Variants in HMGXB3 observed in about 807,000 individuals in gnomAD.
HMGXB3 encodes HMG-box containing 3, also known as HMG domain-containing protein 3.
HMGXB3 carries 45 observed loss-of-function variants against 121.5 expected under a neutral mutation model. The ratio of observed to expected loss-of-function variants is 0.37; its 90% CI spans 0.29 to 0.47. HMGXB3 has a LOEUF of 0.47. Ranked by LOEUF, HMGXB3 falls within the 20% of genes least tolerant of loss-of-function variation. The pLI, the probability that HMGXB3 is intolerant of heterozygous loss-of-function variation, is 0.99. For missense variants in HMGXB3, 1,376 were observed against 1,602.2 expected, an observed-to-expected ratio of 0.86 and a Z score of 2.41; for synonymous variants, 590 against 624.1, an observed-to-expected ratio of 0.95 and a Z score of 0.81.
At position 150,024,549 on chromosome 5, in the gene HMGXB3, C is replaced by G; in HGVS notation, c.1329C>G (p.Val443=). 1.9e-6 allele frequency: 3 copies of G among 1,551,676 alleles called. No individual in the cohort carries two copies. The highest frequency in any genetic ancestry group is 2.6e-6 in the Non-Finnish European group (3 of 1,146,986). The change falls in exon 7 of 20, where the codon GTC becomes GTG. Residue 443 remains valine, a synonymous_variant. Coordinates refer to ENST00000502717, the MANE Select transcript of HMGXB3 (RefSeq NM_014983.3). Reference sequence around the variant, plus strand: ...GTACAGCAGTCACTAAGACGCCAGTCGTCAAAAGTGGTGTGCAGCCTGAGG... The same window carrying G: ...GTACAGCAGTCACTAAGACGCCAGTGGTCAAAAGTGGTGTGCAGCCTGAGG... ...NCGTAVTKTP[V]VKSGVQPEVT... is the part of the protein sequence containing the mutation.
intron 9 of HMGXB3, among the ~76,000 whole-genome samples, chr5:150,028,051 G>A (rs1561869183): frequency 1.3e-5 from 2 of 152,188 alleles, no homozygotes; most frequent in African/African-American, 4.8e-5. Context: ...TGTGCCCAAG[G>A]TGGTCAGAGC....
chr5:150,005,956 G>A (rs760003493), intron 2 of HMGXB3, among the ~76,000 whole-genome samples: 5 of 152,158 alleles, frequency 3.3e-5, no homozygotes, highest in Non-Finnish European at 7.4e-5. Context: ...CTTTAGGAAA[G>A]CCAGTCAAAT....
intron 5 of HMGXB3, among the ~76,000 whole-genome samples, chr5:150,017,872 T>A (rs752438357): frequency 2.0e-5 from 3 of 151,472 alleles, no homozygotes; most frequent in Non-Finnish European, 2.9e-5. Flanking sequence ...CCCATAGTAA[T>A]ACATTTTGCT....
chr5:150,010,109 A>C lies in HMGXB3; in HGVS notation c.313-2A>C, dbSNP rs1057232255. 52 of 1,548,438 alleles carry C rather than the reference A, an allele frequency of 3.4e-5. No homozygotes were observed. The East Asian group carries it at 1.2e-3, about 36-fold the overall frequency. On this transcript the variant is annotated splice_acceptor_variant, in intron 3 of 19. Transcript: ENST00000502717. LOFTEE classifies it high-confidence loss of function. ...CCCCCTTCCTGGCTTCCTCATCCTCAGAACTCTAAGCTCTCTGCACTGACT... is the reference window on the plus strand; with the variant it reads ...CCCCCTTCCTGGCTTCCTCATCCTCCGAACTCTAAGCTCTCTGCACTGACT...
chr5:150,005,001 C>G lies in HMGXB3; in HGVS notation c.137+12C>G. The G allele has an allele frequency of 6.5e-7, 1 of 1,543,022 alleles. No individual in the cohort carries two copies. Among genetic ancestry groups the G allele is most frequent in the Non-Finnish European group, 8.7e-7 (1 of 1,144,834 alleles). On this transcript the variant is annotated intron_variant, in intron 2 of 19. Coordinates refer to ENST00000502717, the MANE Select transcript of HMGXB3 (RefSeq NM_014983.3). ...ACAAAGAAACCCAGGTTAGCCAACA[C>G]ATTTTGGTTGCTGCTAGCATTTATA...
At chr5:150,026,571 T>A in intron 7 of HMGXB3, 135 bp from the exon 8 acceptor site, 1 of 716,060 alleles carries the variant, frequency 1.4e-6, no homozygotes, top group Non-Finnish European at 2.3e-6. Flanking sequence ...AGTGGTTGAA[T>A]TTGAACTCAA....
At chr5:150,005,712 A>G (rs1755686092) in intron 2 of HMGXB3, among the ~76,000 whole-genome samples, 1 of 152,238 alleles carries the variant, frequency 6.6e-6, no homozygotes, top group African/African-American at 2.4e-5. Context: ...TTGACTGTGA[A>G]TACCTCAAAC....
At chr5:150,046,935 G>A (rs1407725788) in intron 16 of HMGXB3, among the ~76,000 whole-genome samples, 2 of 150,612 alleles carry the variant, frequency 1.3e-5, no homozygotes, top group African/African-American at 2.5e-5. Flanking sequence ...GCCCAGGCTG[G>A]AGTGCAGTGT....
intron 10 of HMGXB3, among the ~76,000 whole-genome samples, chr5:150,031,212 A>T (rs887612850): frequency 6.6e-6 from 1 of 152,210 alleles, no homozygotes; most frequent in Non-Finnish European, 1.5e-5. Flanking sequence ...TCTCCCTAAA[A>T]CAGAGTCCAG....
intron 17 of HMGXB3, 76 bp from the exon 18 acceptor site, chr5:150,048,493 A>C (rs1756813402): frequency 1.0e-6 from 1 of 971,544 alleles, no homozygotes; most frequent in Non-Finnish European, 1.6e-6. Context: ...GTGTTGGGTG[A>C]GTGTGTGATG....
At position 150,045,606 on chromosome 5, in the gene HMGXB3, C is replaced by G. The variant is rs760180831; in HGVS notation, c.2871C>G (p.Pro957=). 10 of 1,551,750 alleles carry G rather than the reference C, an allele frequency of 6.4e-6. No homozygotes were observed. The highest frequency in any genetic ancestry group is 1.2e-5 in the South Asian group (1 of 84,070). The part of the protein sequence containing the change: ...ITKFDASVIA[P]FFPPLMRGAV... ...AATTTGATGCGTCTGTTATTGCCCC[C>G]TTCTTCCCACCACTCATGAGAGGAG... The change falls in exon 16 of 20, where the codon CCC becomes CCG. Residue 957 remains proline, a synonymous_variant. Transcript: ENST00000502717.
chr5:150,027,353 A>G (rs1756256764), intron 9 of HMGXB3, among the ~76,000 whole-genome samples: 2 of 152,226 alleles, frequency 1.3e-5, no homozygotes, highest in African/African-American at 4.8e-5. Context: ...TCACAAAAAT[A>G]AAAATAGTAC....
At chr5:150,030,416 T>G (rs2113748264) in intron 9 of HMGXB3, 1 of 195,480 alleles carries the variant, frequency 5.1e-6, no homozygotes, top group East Asian at 1.3e-4. Context: ...GACATCTTTC[T>G]ATGCAAAGTT....
At chr5:150,037,041 C>T in intron 12 of HMGXB3, 104 bp downstream of exon 12, 1 of 1,068,806 alleles carries the variant, frequency 9.4e-7, no homozygotes, top group South Asian at 1.7e-5. Context: ...ATGTTATTCT[C>T]TGCCGTTTTT....
intron 4 of HMGXB3, among the ~76,000 whole-genome samples, chr5:150,011,531 T>C (rs1488682911): frequency 6.6e-6 from 1 of 152,158 alleles, no homozygotes; most frequent in Admixed American, 6.5e-5. Flanking sequence ...TCCTTATTTG[T>C]TGCCTCAGTG....
chr5:150,004,137 G>A lies in HMGXB3; in HGVS notation c.-2-714G>A, dbSNP rs149784895. ...AACCCTCCCATCTCAGCCTCCCAAA[G>A]TGCTGAGATTATAGGCGTGAGTCAC... On this transcript the variant is annotated intron_variant, in intron 1 of 19. Coordinates refer to ENST00000502717, the MANE Select transcript of HMGXB3 (RefSeq NM_014983.3). Among the ~76,000 whole-genome samples the A allele has an allele frequency of 5.9e-5, 9 of 151,880 alleles. No homozygotes were observed. In the East Asian group the frequency reaches 1.5e-3, roughly 26 times the overall value.
chr5:150,030,649 G>A (rs548722044), intron 9 of HMGXB3, 92 bp from the exon 10 acceptor site: 41 of 945,126 alleles, frequency 4.3e-5, no homozygotes, highest in Admixed American at 3.3e-4. Flanking sequence ...CAAATTCCCC[G>A]GGAAAGCATT....
chr5:150,010,531 C>T lies in HMGXB3; in HGVS notation c.733C>T (p.Pro245Ser), dbSNP rs1755804601. The T allele has an allele frequency of 1.3e-6, 2 of 1,551,440 alleles. No individual in the cohort carries two copies. Among genetic ancestry groups the T allele is most frequent in the African/African-American group, 1.4e-5 (1 of 73,038 alleles). ...VIEETLVNGSPDLPTGSLAVP... is the reference protein window; with the variant it reads ...VIEETLVNGSSDLPTGSLAVP... ...TGAAGAGACCTTGGTGAATGGCTCA[C>T]CAGACCTCCCCACTGGAAGCCTGGC... The change falls in exon 4 of 20, where the codon CCA becomes TCA. Residue 245 changes from proline (P) to serine (S), a missense_variant. This residue lies in a region of HMGXB3 where 1,116 missense variants were observed against 1,369.0 expected (regional missense o/e 0.82). Transcript: ENST00000502717.
At chr5:150,020,491 T>C (rs1479671214) in intron 6 of HMGXB3, among the ~76,000 whole-genome samples, 1 of 152,238 alleles carries the variant, frequency 6.6e-6, no homozygotes, top group Non-Finnish European at 1.5e-5. Flanking sequence ...CACTGTGGGC[T>C]TATCCCTCCT....
Sources: gnomAD v4.1 joint callset for allele counts (sites outside exome capture counted in the v4.1 genomes callset) on GRCh38, gnomAD v4.1.1 for gene constraint, gnomAD v4.1.1 regional missense constraint, MANE v1.5 for transcripts, NCBI Gene and HGNC (gene_info 2026-07-23, HGNC 2026-07-21) for gene names.